Variants in NALCN observed in about 807,000 individuals in gnomAD.
NALCN encodes sodium leak channel NALCN.
A neutral mutation model predicts 225.3 loss-of-function variants in NALCN; 111 were observed. That is an observed-to-expected ratio of 0.49 (90% confidence interval 0.42 to 0.58). The LOEUF (loss-of-function observed/expected upper bound fraction) is 0.58. Ranked by LOEUF, NALCN falls within the 20% of genes least tolerant of loss-of-function variation. The pLI is 0.00. For synonymous variants in NALCN, 764 were observed against 769.0 expected (o/e 0.99, Z 0.11); for missense variants, 1,378 against 2,202.4 (o/e 0.63, Z 7.49).
At chr13:101,277,414 C>T (rs1050021368) in intron 10 of NALCN, among the ~76,000 whole-genome samples, 11 of 152,072 alleles carry the variant, frequency 7.2e-5, no homozygotes, top group African/African-American at 2.7e-4. Context: ...TTTGGAATCA[C>T]TGAAATGTGT....
At chr13:101,380,320 A>G (rs1218081073) in intron 3 of NALCN, among the ~76,000 whole-genome samples, 1 of 152,190 alleles carries the variant, frequency 6.6e-6, no homozygotes, top group African/African-American at 2.4e-5. Flanking sequence ...TGCATATGTA[A>G]AAGAAAGATA....
intron 37 of NALCN, among the ~76,000 whole-genome samples, chr13:101,069,920 C>G (rs1566780148): frequency 6.6e-6 from 1 of 152,182 alleles, no homozygotes; most frequent in Non-Finnish European, 1.5e-5. Context: ...AGTTCTCTTG[C>G]TATTTCTACC....
chr13:101,202,708 G>A (rs1452647294), intron 13 of NALCN, among the ~76,000 whole-genome samples: 1 of 152,158 alleles, frequency 6.6e-6, no homozygotes, highest in Non-Finnish European at 1.5e-5. Flanking sequence ...CTTCGACACT[G>A]CCAACAAAGC....
At chr13:101,372,543 T>A (rs924235967) in intron 6 of NALCN, among the ~76,000 whole-genome samples, 1 of 152,100 alleles carries the variant, frequency 6.6e-6, no homozygotes, top group African/African-American at 2.4e-5. Flanking sequence ...CCAAATAACA[T>A]TTTTAGAAAA....
chr13:101,273,844 C>T (rs2042882097), intron 10 of NALCN, among the ~76,000 whole-genome samples: 1 of 146,346 alleles, frequency 6.8e-6, no homozygotes, highest in Non-Finnish European at 1.5e-5. Context: ...AAGATCACGC[C>T]ACCGCACTCC....
chr13:101,079,824 G>A (rs991407349), intron 34 of NALCN, among the ~76,000 whole-genome samples: 2 of 152,192 alleles, frequency 1.3e-5, no homozygotes, highest in Non-Finnish European at 2.9e-5. Context: ...GATGCTGAAG[G>A]TAACCACTGG....
At chr13:101,180,204 C>CTTTTTTTTTTT (rs71200724) in intron 14 of NALCN, among the ~76,000 whole-genome samples, 3 of 109,950 alleles carry the variant, frequency 2.7e-5, no homozygotes, top group African/African-American at 6.6e-5. Flanking sequence ...TCCACCTGGT[C>CTTTTTTTTTTT]TTTTTTTTTT....
chr13:101,154,134 C>T (rs1223607480), intron 15 of NALCN, among the ~76,000 whole-genome samples: 1 of 152,134 alleles, frequency 6.6e-6, no homozygotes, highest in Non-Finnish European at 1.5e-5. Context: ...ATTATTTAAC[C>T]CTAAAAATTA....
intron 34 of NALCN, among the ~76,000 whole-genome samples, chr13:101,078,390 C>T (rs1390479894): frequency 6.6e-6 from 1 of 152,194 alleles, no homozygotes; most frequent in Non-Finnish European, 1.5e-5. Flanking sequence ...GGGGTCTGTA[C>T]CCTGCAAAGC....
In NALCN at chr13:101,061,978, C is replaced by T. The variant is rs764045715; in HGVS notation, c.4745G>A (p.Arg1582His). 1.1e-5 allele frequency: 17 copies of T among 1,613,524 alleles called. No individual in the cohort carries two copies. Among genetic ancestry groups the T allele is most frequent in the East Asian group, 2.2e-5 (1 of 44,882 alleles). ...GTGCAGTTCACTCACAGCTCTGATG[C>T]GCTTCAGGCACTTCTTGAGCCACAT... ...IRMWLKKCLK[R>H]IRAKQQQSCS... The change falls in exon 41 of 44, where the codon CGC becomes CAC. Residue 1582 changes from arginine to histidine, a missense_variant. Around this residue, in one of 19 missense-constraint regions of NALCN, gnomAD observed 94 missense variants for 170.3 expected, o/e 0.55. Coordinates refer to ENST00000251127, the MANE Select transcript of NALCN (RefSeq NM_052867.4).
At chr13:101,121,862 A>G (rs986570181) in intron 18 of NALCN, among the ~76,000 whole-genome samples, 12 of 152,136 alleles carry the variant, frequency 7.9e-5, no homozygotes, top group African/African-American at 2.7e-4. Context: ...CAGTAAAAAG[A>G]CACTGAAAAA....
intron 3 of NALCN, among the ~76,000 whole-genome samples, chr13:101,389,130 G>A (rs2047071827): frequency 6.6e-6 from 1 of 152,176 alleles, no homozygotes; most frequent in South Asian, 2.1e-4. Context: ...AACTAGCCTA[G>A]CCACATTGTG....
At chr13:101,103,837 T>G (rs755478081) in intron 25 of NALCN, among the ~76,000 whole-genome samples, 1 of 152,198 alleles carries the variant, frequency 6.6e-6, no homozygotes. Flanking sequence ...GACAGTTGAA[T>G]GGGCAACTGC....
chr13:101,095,592 A>T lies in NALCN; in HGVS notation c.3251T>A (p.Phe1084Tyr), dbSNP rs1373343041. The change falls in exon 28 of 44, where the codon TTT becomes TAT. Residue 1084 changes from phenylalanine to tyrosine, a missense_variant. Physicochemically the swap from Phe to Tyr is conservative, Grantham distance 22. Coordinates refer to ENST00000251127, the MANE Select transcript of NALCN (RefSeq NM_052867.4). The stretch of plus-strand genomic sequence containing the variant: ...TACTTACCAAACACGGGGCACCCAA[A>T]ATCCAGGTTTTTTCTCTCCAGGCCT... ...KLRPGEKKPG[F>Y]WVPRVWANPR... 2 of 1,612,732 alleles carry T rather than the reference A, an allele frequency of 1.2e-6. No homozygotes were observed. The highest frequency in any genetic ancestry group is 2.7e-5 in the African/African-American group (2 of 74,800).
chr13:101,322,180 T>C (rs985827887), intron 7 of NALCN, among the ~76,000 whole-genome samples: 1 of 152,188 alleles, frequency 6.6e-6, no homozygotes, highest in Non-Finnish European at 1.5e-5. Context: ...TATATGAACA[T>C]GTCCATGCAT....
chr13:101,410,173 C>G (rs904518690), intron 1 of NALCN, among the ~76,000 whole-genome samples: 1 of 152,222 alleles, frequency 6.6e-6, no homozygotes, highest in South Asian at 2.1e-4. Flanking sequence ...AACTAAGACA[C>G]TCAAGCTGAG....
At chr13:101,360,229 TCC>T (rs2046212865) in intron 6 of NALCN, among the ~76,000 whole-genome samples, 3 of 137,792 alleles carry the variant, frequency 2.2e-5, no homozygotes, top group African/African-American at 8.3e-5. Context: ...TCTCTCTCTC[TCC>T]TTCCTTCCTT....
At position 101,068,928 on chromosome 13, in the gene NALCN, T is replaced by C. The variant is rs2032640095; in HGVS notation, c.4198-101A>G. 8 of 1,253,222 alleles carry C rather than the reference T, an allele frequency of 6.4e-6. No individual in the cohort carries two copies. In the East Asian group the frequency reaches 1.7e-4, roughly 27 times the overall value. The allele number at this position is 1,253,222 out of a possible 1,614,324, so 77.6% of individuals were successfully genotyped here. A position where few individuals can be genotyped will look rare whatever the true frequency, so the allele number is the denominator to read the frequency against. Reference sequence around the variant, plus strand: ...TGAATAGATTCCTAAACATATAGCATATAATTAACTTCAAAGTAAGCTTTC... The same window carrying C: ...TGAATAGATTCCTAAACATATAGCACATAATTAACTTCAAAGTAAGCTTTC... On this transcript the variant is annotated intron_variant, in intron 37 of 43. Transcript: ENST00000251127.
chr13:101,342,506 A>C (rs1006831918), intron 7 of NALCN, among the ~76,000 whole-genome samples: 12 of 152,110 alleles, frequency 7.9e-5, no homozygotes, highest in African/African-American at 2.9e-4. Flanking sequence ...CTCCACAATC[A>C]GCCTTTGCTC....
Sources: gnomAD v4.1 joint callset for allele counts (sites outside exome capture counted in the v4.1 genomes callset) on GRCh38, gnomAD v4.1.1 for gene constraint, gnomAD v4.1.1 regional missense constraint, MANE v1.5 for transcripts, NCBI Gene and HGNC (gene_info 2026-07-23, HGNC 2026-07-21) for gene names.